Variants in DENND4C observed in about 807,000 individuals in gnomAD.
DENND4C encodes DENN domain-containing protein 4C.
Under a neutral mutation model 203.0 loss-of-function variants are expected in DENND4C, and 108 were observed. That is an observed-to-expected ratio of 0.53 (90% CI 0.46 to 0.62). DENND4C has a LOEUF of 0.62. Ranked by LOEUF, DENND4C falls within the 20% of genes least tolerant of loss-of-function variation. The pLI, the probability that DENND4C is intolerant of heterozygous loss-of-function variation, is 0.00. For synonymous variants in DENND4C, 871 were observed against 792.4 expected, an observed-to-expected ratio of 1.10 and a Z score of -1.67; for missense variants, 2,481 against 2,301.2, an observed-to-expected ratio of 1.08 and a Z score of -1.60.
chr9:19,232,544 A>T (rs773244245), intron 1 of DENND4C, among the ~76,000 whole-genome samples: 34 of 152,314 alleles, frequency 2.2e-4, no homozygotes, highest in Admixed American at 6.5e-4. Context: ...TTGAAGTTGC[A>T]TATTGGAGTA....
At chr9:19,326,029 A>C in intron 14 of DENND4C, 35 bp from the exon 15 acceptor site, 4 of 1,607,628 alleles carry the variant, frequency 2.5e-6, no homozygotes, top group Non-Finnish European at 3.4e-6. Flanking sequence ...TCTTGTTTGT[A>C]TGCAAATTAA....
chr9:19,282,999 G>A lies in DENND4C; in HGVS notation c.306-3770G>A, dbSNP rs575557168. ...CTCCCAAAGTGCTGGAATTACAGGC[G>A]TGAGCCACCGCCTCTGACCAGTTTT... On this transcript the variant is annotated intron_variant, in intron 2 of 32. Transcript: ENST00000434457. Among the ~76,000 whole-genome samples the A allele has an allele frequency of 2.6e-5, 4 of 151,900 alleles. No homozygotes were observed. In the East Asian group the frequency reaches 7.7e-4, roughly 29 times the overall value.
rs1841612686 is a variant in DENND4C at position 19,315,408 on chromosome 9, T to C, written c.1488-1009T>C. Reference sequence around the variant, plus strand: ...GCTTAACCATGAATTTTAAAGAAAGTTTGTTATATTTATGCTAACTTTTGT... The same window carrying C: ...GCTTAACCATGAATTTTAAAGAAAGCTTGTTATATTTATGCTAACTTTTGT... On this transcript the variant is annotated intron_variant, in intron 10 of 32. Coordinates refer to ENST00000434457, the MANE Select transcript of DENND4C (RefSeq NM_001330640.2). Among the ~76,000 whole-genome samples, 3 of 151,682 alleles carry C rather than the reference T, an allele frequency of 2.0e-5. No individual in the cohort carries two copies. The South Asian group carries it at 6.2e-4, about 31-fold the overall frequency.
chr9:19,364,864 C>A (rs747331611), intron 30 of DENND4C, among the ~76,000 whole-genome samples: 3 of 151,670 alleles, frequency 2.0e-5, no homozygotes, highest in Non-Finnish European at 4.4e-5. Context: ...CACTGCACTC[C>A]AGCCTGGGCG....
At chr9:19,258,933 G>C (rs1828670050) in intron 1 of DENND4C, among the ~76,000 whole-genome samples, 1 of 152,128 alleles carries the variant, frequency 6.6e-6, no homozygotes, top group South Asian at 2.1e-4. Flanking sequence ...GGGATTACAG[G>C]TGTGAGCCAC....
chr9:19,371,040 TGTAATA>T (rs1310523352), intron 31 of DENND4C, among the ~76,000 whole-genome samples: 1 of 152,214 alleles, frequency 6.6e-6, no homozygotes, highest in Non-Finnish European at 1.5e-5. Context: ...AGGACAGGAA[TGTAATA>T]TTAGAAATGT....
chr9:19,353,871 G>C (rs528114245), intron 26 of DENND4C, among the ~76,000 whole-genome samples: 1 of 152,316 alleles, frequency 6.6e-6, no homozygotes, highest in African/African-American at 2.4e-5. Flanking sequence ...AGGAGGCGAA[G>C]GTTGCAGTGA....
chr9:19,334,411 T>G (rs930308771), intron 17 of DENND4C, among the ~76,000 whole-genome samples: 2 of 152,242 alleles, frequency 1.3e-5, no homozygotes, highest in South Asian at 2.1e-4. Flanking sequence ...AGTCTTTCTC[T>G]TTGTATAGAT....
intron 1 of DENND4C, among the ~76,000 whole-genome samples, chr9:19,260,697 T>C (rs569720460): frequency 1.3e-5 from 2 of 152,204 alleles, no homozygotes; most frequent in Non-Finnish European, 2.9e-5. Context: ...ATGCTCGGCC[T>C]ATGTTCTGGT....
chr9:19,370,077 G>T (rs150018302), intron 31 of DENND4C, 90 bp downstream of exon 31: 1 of 1,457,448 alleles, frequency 6.9e-7, no homozygotes, highest in South Asian at 1.2e-5. Context: ...TCTAGTTGTC[G>T]AAGAAACACA....
intron 22 of DENND4C, among the ~76,000 whole-genome samples, chr9:19,343,214 G>T (rs2131958311): frequency 6.6e-6 from 1 of 152,338 alleles, no homozygotes; most frequent in Admixed American, 6.5e-5. Flanking sequence ...AGATATGCCA[G>T]TGGATCTTTG....
chr9:19,265,012 T>C (rs1004917379), intron 1 of DENND4C, among the ~76,000 whole-genome samples: 1 of 152,124 alleles, frequency 6.6e-6, no homozygotes, highest in Non-Finnish European at 1.5e-5. Flanking sequence ...TCAAGAAATT[T>C]TAAAATTTTC....
intron 16 of DENND4C, among the ~76,000 whole-genome samples, chr9:19,328,693 A>G (rs939269682): frequency 8.0e-5 from 12 of 150,862 alleles, no homozygotes; most frequent in East Asian, 3.9e-4. Context: ...CTATCTATCT[A>G]TCTGTCTATC....
chr9:19,237,420 C>A (rs375592792), intron 1 of DENND4C, among the ~76,000 whole-genome samples: 1 of 152,042 alleles, frequency 6.6e-6, no homozygotes, highest in Admixed American at 6.6e-5. Context: ...GGCGTGATCT[C>A]GGCTCACTGC....
intron 23 of DENND4C, among the ~76,000 whole-genome samples, chr9:19,350,273 A>G (rs1019841414): frequency 5.3e-5 from 8 of 152,214 alleles, no homozygotes; most frequent in African/African-American, 1.9e-4. Context: ...TTACATAATT[A>G]AAAGTTAAAG....
Position 19,360,224 on chromosome 9 carries a change from CT to C in DENND4C, c.5161-15del. On this transcript the variant is annotated intron_variant, in intron 28 of 32. Transcript: ENST00000434457. The stretch of plus-strand genomic sequence containing the variant: ...AGATTTAAACAGATAATATTAATTT[CT>C]TTTTGTATTTTTTTTAAGGATCCTT... The C allele has an allele frequency of 6.2e-7, 1 of 1,606,462 alleles. No homozygotes were observed. Among genetic ancestry groups the C allele is most frequent in the Admixed American group, 1.7e-5 (1 of 58,516 alleles).
rs539319961 is a variant in DENND4C at position 19,315,608 on chromosome 9, T to TAC, written c.1488-799_1488-798dup. On this transcript the variant is annotated intron_variant, in intron 10 of 32. Transcript: ENST00000434457. ...ATATATGTATGTGTGTGTATATATA[T>TAC]ACACACACACATATATTTTATATTT... Among the ~76,000 whole-genome samples, 213 of 151,306 alleles carry TAC rather than the reference T, an allele frequency of 1.4e-3. 2 individuals are homozygous for TAC. The highest frequency in any genetic ancestry group is 0.011 in the South Asian group (55 of 4,804).
chr9:19,333,344 C>T (rs1159002305), intron 17 of DENND4C, among the ~76,000 whole-genome samples: 1 of 152,038 alleles, frequency 6.6e-6, no homozygotes, highest in Non-Finnish European at 1.5e-5. Context: ...TTTGGATTAT[C>T]TATTAGAAAA....
intron 3 of DENND4C, among the ~76,000 whole-genome samples, chr9:19,287,799 C>A (rs1335075103): frequency 6.6e-6 from 1 of 152,028 alleles, no homozygotes; most frequent in East Asian, 1.9e-4. Context: ...GTGGCGTGAT[C>A]TTGGCTCACT....
Sources: gnomAD v4.1 joint callset for allele counts (sites outside exome capture counted in the v4.1 genomes callset) on GRCh38, gnomAD v4.1.1 for gene constraint, MANE v1.5 for transcripts, NCBI Gene and HGNC (gene_info 2026-07-23, HGNC 2026-07-21) for gene names.